The following MYO15A variants were observed in gnomAD, a reference collection of about 807,000 sequenced individuals.
MYO15A encodes the protein myosin XVA, also known as unconventional myosin-XV.
Under a neutral mutation model 394.6 loss-of-function variants are expected in MYO15A, and 308 were observed. The observed-to-expected ratio is 0.78, with a 90% CI of 0.71 to 0.86. The LOEUF is 0.86. Among genes scored for constraint, MYO15A ranks in the 40% least tolerant of loss-of-function variants. MYO15A has a pLI of 0.00. For missense variants in MYO15A, 4,606 were observed against 4,799.1 expected (o/e 0.96, Z 1.19); for synonymous variants, 1,957 against 2,003.8 (o/e 0.98, Z 0.62).
At chr17:18,172,386 G>A (rs1383525317) in intron 64 of MYO15A, 96 bp downstream of exon 64, 2 of 1,541,608 alleles carry the variant, frequency 1.3e-6, no homozygotes, top group Admixed American at 3.5e-5. Context: ...CCGAAGCCCA[G>A]TTCCACTGCT....
At chr17:18,175,292 C>CTTTTTTTTTTTTTTTTTTTTTTTTTTT (rs1182500584) in intron 65 of MYO15A, among the ~76,000 whole-genome samples, 2 of 91,288 alleles carry the variant, frequency 2.2e-5, no homozygotes, top group African/African-American at 4.2e-5. Flanking sequence ...TCTAGACTAT[C>CTTTTTTTTTTTTTTTTTTTTTTTTTTT]TTTTTTTTTT....
chr17:18,111,412 G>A (rs1392627908), intron 1 of MYO15A, among the ~76,000 whole-genome samples: 1 of 151,042 alleles, frequency 6.6e-6, no homozygotes, highest in Non-Finnish European at 1.5e-5. Flanking sequence ...TGAGAGCAGA[G>A]ATCATGTCTG....
In MYO15A at chr17:18,162,597, C is replaced by T. The variant is rs745499694; in HGVS notation, c.9530C>T (p.Ala3177Val). Residue 3177 changes from alanine to valine, a missense_variant, in exon 58 of 66, where the codon GCC becomes GTC. By Grantham distance (64) the Ala-to-Val change is moderately conservative (BLOSUM62 0). This residue lies in a region of MYO15A where 2,776 missense variants were observed against 3,109.3 expected (regional missense o/e 0.89). Coordinates refer to ENST00000647165, the MANE Select transcript of MYO15A (RefSeq NM_016239.4). ...CCTGCTTCTGCAGGGATCGCCAAGG[C>T]CTGCGAGCAGAACCTGCAGAAAACC... The part of the protein sequence containing the change: ...PGLPFQGIAK[A>V]CEQNLQKTLR... The T allele has an allele frequency of 2.5e-5, 40 of 1,613,832 alleles. No individual in the cohort carries two copies. Among genetic ancestry groups the T allele is most frequent in the Non-Finnish European group, 3.3e-5 (39 of 1,179,954 alleles).
chr17:18,174,350 C>G (rs1354813631), intron 65 of MYO15A, among the ~76,000 whole-genome samples: 1 of 152,006 alleles, frequency 6.6e-6, no homozygotes, highest in South Asian at 2.1e-4. Context: ...AAACAGGCAC[C>G]GTGGCTCATG....
intron 17 of MYO15A, 127 bp from the exon 18 acceptor site, chr17:18,138,684 G>A: frequency 7.5e-7 from 1 of 1,328,616 alleles, no homozygotes; most frequent in South Asian, 1.3e-5. Context: ...GGGCAGCCAT[G>A]GGAAGCTGTG....
At chr17:18,158,855 T>C in intron 52 of MYO15A, 70 bp from the exon 53 acceptor site, 2 of 1,584,414 alleles carry the variant, frequency 1.3e-6, no homozygotes, top group Non-Finnish European at 1.7e-6. Flanking sequence ...TGGGGGTTCT[T>C]TCCCATGTGG....
intron 17 of MYO15A, 62 bp from the exon 18 acceptor site, chr17:18,138,749 C>T: frequency 6.3e-7 from 1 of 1,599,966 alleles, no homozygotes; most frequent in Non-Finnish European, 8.5e-7. Context: ...GAGGTTGCCA[C>T]CAGGCCAGGA....
chr17:18,145,654 G>C (rs567547686), intron 29 of MYO15A, among the ~76,000 whole-genome samples: 3 of 152,312 alleles, frequency 2.0e-5, no homozygotes, highest in East Asian at 1.9e-4. Flanking sequence ...AGTTGAGGCT[G>C]CAGTGAGCTG....
At chr17:18,152,665 C>T (rs529408487) in intron 42 of MYO15A, among the ~76,000 whole-genome samples, 1 of 152,244 alleles carries the variant, frequency 6.6e-6, no homozygotes, top group South Asian at 2.1e-4. Flanking sequence ...AACTCCTCAC[C>T]GTGGCCTATG....
intron 48 of MYO15A, 130 bp from the exon 49 acceptor site, chr17:18,156,824 C>A: frequency 1.2e-6 from 1 of 832,218 alleles, no homozygotes; most frequent in Non-Finnish European, 2.0e-6. Flanking sequence ...GAATGCCCTT[C>A]CCTCTTCTCA....
chr17:18,159,805 T>C (rs761998575), intron 55 of MYO15A, 126 bp downstream of exon 55: 16 of 1,447,304 alleles, frequency 1.1e-5, no homozygotes, highest in Non-Finnish European at 1.5e-5. Flanking sequence ...GAATGCATCA[T>C]GCTGGTGGGG....
chr17:18,151,882 C>A lies in MYO15A; in HGVS notation c.7824C>A (p.Asp2608Glu), dbSNP rs1318395611. ...GGAAAGTGTTCATGAAGCGGCCAGA[C>A]CCTCATGAGGAGGCCCTGATGATCC... is the stretch of plus-strand genomic sequence containing the variant. ...DGGKVFMKRP[D>E]PHEEALMILK... Residue 2608 changes from aspartate (D) to glutamate (E), a missense_variant, in exon 41 of 66, where the codon GAC (aspartate) becomes GAA (glutamate). This residue lies in a region of MYO15A where 2,776 missense variants were observed against 3,109.3 expected (regional missense o/e 0.89). Transcript: ENST00000647165. 1 of 1,578,484 alleles carries A rather than the reference C, an allele frequency of 6.3e-7. No homozygotes were observed. Among genetic ancestry groups the A allele is most frequent in the Non-Finnish European group, 8.6e-7 (1 of 1,162,352 alleles).
At chr17:18,123,499 A>C (rs1228819354) in intron 2 of MYO15A, 1 of 152,332 alleles carries the variant, frequency 6.6e-6, no homozygotes, top group Non-Finnish European at 1.5e-5. Flanking sequence ...TGCCCTACTT[A>C]GCAGTCCAGC....
chr17:18,141,884 G>A, intron 23 of MYO15A, 114 bp downstream of exon 23: 1 of 1,268,924 alleles, frequency 7.9e-7, no homozygotes. Context: ...ACCCAGATGA[G>A]CTTGGGATAT....
At chr17:18,168,134 T>C (rs62073608) in intron 62 of MYO15A, among the ~76,000 whole-genome samples, 28,851 of 152,236 alleles carry the variant, frequency 0.19, 2,879 homozygotes, top group Middle Eastern at 0.26. Flanking sequence ...AAGTAAATTA[T>C]GGGTGTTAGC....
chr17:18,136,500 G>A, intron 14 of MYO15A, 25 bp downstream of exon 14: 1 of 1,613,692 alleles, frequency 6.2e-7, no homozygotes, highest in Non-Finnish European at 8.5e-7. Flanking sequence ...TCCCCTGCCT[G>A]AGCCCCGAGG....
chr17:18,122,588 A>G, intron 2 of MYO15A, 179 bp downstream of exon 2: 1 of 941,250 alleles, frequency 1.1e-6, no homozygotes, highest in Non-Finnish European at 1.5e-6. Context: ...GGAGGGTTGA[A>G]CAAGGGGATG....
At chr17:18,133,076 G>T in intron 11 of MYO15A, 149 bp from the exon 12 acceptor site, 1 of 788,824 alleles carries the variant, frequency 1.3e-6, no homozygotes, top group Non-Finnish European at 2.1e-6. Context: ...GTCCTCAGCC[G>T]TGCTCAGAGC....
chr17:18,140,933 C>G (rs926557711), intron 21 of MYO15A, 86 bp from the exon 22 acceptor site: 2 of 1,611,012 alleles, frequency 1.2e-6, no homozygotes, highest in African/African-American at 2.7e-5. Context: ...ATCTGCCCAG[C>G]CTAGCACTGG....
Sources: allele counts gnomAD v4.1 joint callset (sites outside exome capture counted in the v4.1 genomes callset), GRCh38; gene constraint gnomAD v4.1.1; regional missense constraint gnomAD v4.1.1; transcripts MANE v1.5; gene names NCBI Gene and HGNC (gene_info 2026-07-23, HGNC 2026-07-21).